Variants in CSMD1 observed in about 807,000 individuals in gnomAD.
The protein encoded by CSMD1 is CUB and sushi domain-containing protein 1.
A neutral mutation model predicts 417.5 loss-of-function variants in CSMD1; 213 were observed. The observed-to-expected ratio is 0.51, with a 90% CI of 0.46 to 0.57. The LOEUF is 0.57. Among genes scored for constraint, CSMD1 ranks in the 20% least tolerant of loss-of-function variants. The pLI is 0.00. For synonymous variants in CSMD1, 2,862 were observed against 1,736.8 expected, an observed-to-expected ratio of 1.65 and a Z score of -16.11; for missense variants, 6,923 against 4,529.7, an observed-to-expected ratio of 1.53 and a Z score of -15.17.
chr8:3,279,881 C>A (rs917050761), intron 26 of CSMD1, among the ~76,000 whole-genome samples: 1 of 152,178 alleles, frequency 6.6e-6, no homozygotes, highest in Non-Finnish European at 1.5e-5. Flanking sequence ...ATCCAACCAC[C>A]TCCACCTGGT....
chr8:3,852,690 G>C (rs114780342), intron 5 of CSMD1, among the ~76,000 whole-genome samples: 3,001 of 152,074 alleles, frequency 0.02, 96 homozygotes, highest in African/African-American at 0.069. Flanking sequence ...GGGTGGGGAG[G>C]AGCCTTTGGA....
intron 36 of CSMD1, among the ~76,000 whole-genome samples, chr8:3,185,502 G>A (rs1482653131): frequency 2.0e-5 from 3 of 152,078 alleles, no homozygotes; most frequent in African/African-American, 7.2e-5. Context: ...ACAGATTTAT[G>A]ACTGAGAACA....
intron 37 of CSMD1, among the ~76,000 whole-genome samples, chr8:3,167,519 A>C (rs1476808358): frequency 6.6e-6 from 1 of 152,216 alleles, no homozygotes; most frequent in Non-Finnish European, 1.5e-5. Flanking sequence ...GGTGGGTCTT[A>C]TGTACTGTAG....
chr8:3,627,795 A>G (rs956564397), intron 7 of CSMD1, among the ~76,000 whole-genome samples: 1 of 152,220 alleles, frequency 6.6e-6, no homozygotes, highest in Non-Finnish European at 1.5e-5. Flanking sequence ...CAGCCAGCAC[A>G]TCTTGTTTAT....
chr8:3,034,568 T>C (rs985355954), intron 50 of CSMD1, among the ~76,000 whole-genome samples: 5 of 152,034 alleles, frequency 3.3e-5, no homozygotes, highest in Non-Finnish European at 7.4e-5. Context: ...ACATATGTAA[T>C]TTATATGTAT....
intron 7 of CSMD1, among the ~76,000 whole-genome samples, chr8:3,677,505 A>C (rs1160331985): frequency 6.6e-6 from 1 of 152,194 alleles, no homozygotes; most frequent in Non-Finnish European, 1.5e-5. Flanking sequence ...CAGGAGACAC[A>C]GGGAATGCCC....
intron 8 of CSMD1, among the ~76,000 whole-genome samples, chr8:3,593,643 C>G (rs921152734): frequency 6.6e-6 from 1 of 152,184 alleles, no homozygotes; most frequent in East Asian, 1.9e-4. Flanking sequence ...TTTTCTGACT[C>G]AGACAAAATG....
intron 1 of CSMD1, among the ~76,000 whole-genome samples, chr8:4,727,436 T>G (rs924745716): frequency 2.0e-5 from 3 of 152,194 alleles, no homozygotes; most frequent in African/African-American, 7.2e-5. Flanking sequence ...CCTGGAATTA[T>G]GCGTAAGATA....
At chr8:4,017,831 T>G (rs1466073091) in intron 4 of CSMD1, among the ~76,000 whole-genome samples, 1 of 152,160 alleles carries the variant, frequency 6.6e-6, no homozygotes, top group Non-Finnish European at 1.5e-5. Context: ...ATCTCAGCTG[T>G]TTGGGTGACT....
chr8:3,233,562 G>C (rs1562116), intron 26 of CSMD1, among the ~76,000 whole-genome samples: 1 of 152,192 alleles, frequency 6.6e-6, no homozygotes, highest in East Asian at 1.9e-4. Flanking sequence ...GTTTTTGCAA[G>C]TTATGTTTAG....
At chr8:2,948,838 C>T (rs1457405006) in intron 68 of CSMD1, among the ~76,000 whole-genome samples, 1 of 151,970 alleles carries the variant, frequency 6.6e-6, no homozygotes, top group Non-Finnish European at 1.5e-5. Flanking sequence ...GCTATCAACC[C>T]CAAACCAATT....
chr8:4,516,759 A>C (rs1292285707), intron 2 of CSMD1, among the ~76,000 whole-genome samples: 7 of 152,196 alleles, frequency 4.6e-5, no homozygotes, highest in African/African-American at 1.7e-4. Flanking sequence ...GTCCCTTTGC[A>C]TTTGGATCAA....
chr8:3,814,881 TAA>T (rs1342037393), intron 5 of CSMD1, among the ~76,000 whole-genome samples: 1 of 152,180 alleles, frequency 6.6e-6, no homozygotes, highest in Non-Finnish European at 1.5e-5. Flanking sequence ...GTTAATTATT[TAA>T]AGTCATGGTG....
At chr8:4,110,029 C>G (rs1432299292) in intron 3 of CSMD1, among the ~76,000 whole-genome samples, 2 of 152,118 alleles carry the variant, frequency 1.3e-5, no homozygotes, top group Non-Finnish European at 2.9e-5. Flanking sequence ...TTAAGATAAA[C>G]TGTGCCCAGG....
chr8:4,155,699 T>A (rs887034714), intron 3 of CSMD1, among the ~76,000 whole-genome samples: 3 of 152,102 alleles, frequency 2.0e-5, no homozygotes, highest in African/African-American at 7.2e-5. Flanking sequence ...TAATCAACAG[T>A]GTTCTACTTC....
intron 1 of CSMD1, among the ~76,000 whole-genome samples, chr8:4,833,871 G>A (rs988012950): frequency 6.6e-6 from 1 of 152,156 alleles, no homozygotes; most frequent in African/African-American, 2.4e-5. Context: ...TCTAGTGAAG[G>A]TTGTAAATAA....
At chr8:4,295,767 TATATATATATATATATATATAC>T (rs1320361030) in intron 3 of CSMD1, among the ~76,000 whole-genome samples, 7 of 35,682 alleles carry the variant, frequency 2.0e-4, no homozygotes, top group Admixed American at 9.1e-4. Flanking sequence ...TATATATATA[TATATATATATATATATATATAC>T]ACACACACAT....
chr8:4,146,802 G>T (rs925511512), intron 3 of CSMD1, among the ~76,000 whole-genome samples: 2 of 149,100 alleles, frequency 1.3e-5, no homozygotes, highest in Non-Finnish European at 2.9e-5. Context: ...TAGTAGAGAC[G>T]AGTTTCACCG....
At chr8:3,497,472 T>C (rs563253312) in intron 10 of CSMD1, among the ~76,000 whole-genome samples, 10 of 152,308 alleles carry the variant, frequency 6.6e-5, no homozygotes, top group African/African-American at 2.2e-4. Flanking sequence ...AGTGGTGCAA[T>C]CTCAGCTCAC....
Sources: gnomAD v4.1 joint callset for allele counts (sites outside exome capture counted in the v4.1 genomes callset) on GRCh38, gnomAD v4.1.1 for gene constraint, MANE v1.5 for transcripts, NCBI Gene and HGNC (gene_info 2026-07-23, HGNC 2026-07-21) for gene names.